Variants in CCSER1 observed in about 807,000 individuals in gnomAD.
The protein encoded by CCSER1 is coiled-coil serine rich protein 1, also known as serine-rich coiled-coil domain-containing protein 1.
CCSER1 carries 41 observed loss-of-function variants against 82.0 expected under a neutral mutation model. That is an observed-to-expected ratio of 0.50 (90% CI 0.39 to 0.65). The LOEUF (loss-of-function observed/expected upper bound fraction) is 0.65, where lower values mean the gene tolerates loss of function less well. Ranked by LOEUF, CCSER1 falls within the 30% of genes least tolerant of loss-of-function variation. CCSER1 has a pLI of 0.00. For synonymous variants in CCSER1, 414 were observed against 383.9 expected (o/e 1.08, Z -0.92); for missense variants, 1,119 against 1,064.2 (o/e 1.05, Z -0.72).
At chr4:91,167,128 ATTGT>A (rs1298235709) in intron 10 of CCSER1, among the ~76,000 whole-genome samples, 1 of 149,252 alleles carries the variant, frequency 6.7e-6, no homozygotes, top group Non-Finnish European at 1.5e-5. Flanking sequence ...TATATTGTTT[ATTGT>A]TTATCAGATT....
chr4:91,560,107 A>G (rs1421563244), intron 10 of CCSER1, among the ~76,000 whole-genome samples: 1 of 151,544 alleles, frequency 6.6e-6, no homozygotes. Flanking sequence ...TAGTCACTCA[A>G]GGTAATAAAA....
At chr4:91,348,375 A>C (rs1748219197) in intron 10 of CCSER1, among the ~76,000 whole-genome samples, 2 of 152,024 alleles carry the variant, frequency 1.3e-5, no homozygotes, top group South Asian at 4.1e-4. Flanking sequence ...GTTGGATTTA[A>C]TGTGCTTTCT....
At chr4:90,687,192 G>A (rs753898475) in intron 6 of CCSER1, among the ~76,000 whole-genome samples, 1 of 152,078 alleles carries the variant, frequency 6.6e-6, no homozygotes, top group Non-Finnish European at 1.5e-5. Flanking sequence ...AATGTCTAAA[G>A]TCACTTATGT....
At chr4:91,277,604 C>CTATTTACT in intron 10 of CCSER1, among the ~76,000 whole-genome samples, 1 of 93,638 alleles carries the variant, frequency 1.1e-5, no homozygotes, top group Middle Eastern at 7.0e-3. Context: ...AGTGGTTTAT[C>CTATTTACT]TATTTACTTA....
intron 6 of CCSER1, among the ~76,000 whole-genome samples, chr4:90,705,344 A>G (rs966572357): frequency 1.3e-5 from 2 of 152,218 alleles, no homozygotes; most frequent in African/African-American, 4.8e-5. Flanking sequence ...GCTTCATCTC[A>G]GAGAGGTACC....
chr4:90,558,167 C>G (rs886824304), intron 5 of CCSER1, among the ~76,000 whole-genome samples: 1 of 152,046 alleles, frequency 6.6e-6, no homozygotes, highest in Non-Finnish European at 1.5e-5. Context: ...AATTTGCCAG[C>G]AATTCAGAGT....
At chr4:90,654,246 C>T (rs908188) in intron 6 of CCSER1, among the ~76,000 whole-genome samples, 77,944 of 151,852 alleles carry the variant, frequency 0.51, 20,239 homozygotes, top group Middle Eastern at 0.67. Flanking sequence ...TATTTAACAA[C>T]ACTTAATTAT....
chr4:91,586,874 G>T (rs915857046), intron 10 of CCSER1, among the ~76,000 whole-genome samples: 2 of 151,154 alleles, frequency 1.3e-5, no homozygotes, highest in African/African-American at 4.9e-5. Context: ...AGTTCTTGGG[G>T]GTAATATTGC....
At chr4:90,656,089 A>C (rs1051129206) in intron 6 of CCSER1, among the ~76,000 whole-genome samples, 2 of 151,920 alleles carry the variant, frequency 1.3e-5, no homozygotes, top group Non-Finnish European at 2.9e-5. Context: ...AAAGAAAAAG[A>C]TATTCATTTG....
intron 6 of CCSER1, among the ~76,000 whole-genome samples, chr4:90,687,672 C>T (rs1983296): frequency 0.36 from 54,281 of 151,806 alleles, 10,405 homozygotes; most frequent in Middle Eastern, 0.52. Context: ...TGGAGAGTGG[C>T]CCCCTTGGGA....
intron 10 of CCSER1, among the ~76,000 whole-genome samples, chr4:91,178,453 G>T (rs538427399): frequency 1.4e-4 from 21 of 152,218 alleles, no homozygotes; most frequent in African/African-American, 4.6e-4. Context: ...AAGTCTCTTT[G>T]TAGGTCACTA....
At chr4:91,478,714 A>T (rs550669724) in intron 10 of CCSER1, among the ~76,000 whole-genome samples, 3 of 152,038 alleles carry the variant, frequency 2.0e-5, no homozygotes, top group African/African-American at 2.4e-5. Flanking sequence ...TGAAGCTATA[A>T]ATATTTCAGT....
intron 1 of CCSER1, among the ~76,000 whole-genome samples, chr4:90,218,575 T>A (rs1451720667): frequency 6.6e-6 from 1 of 152,142 alleles, no homozygotes; most frequent in African/African-American, 2.4e-5. Context: ...AATTATTGAG[T>A]TATATACAGC....
chr4:90,405,144 A>G (rs1372192654), intron 4 of CCSER1, among the ~76,000 whole-genome samples: 5 of 152,080 alleles, frequency 3.3e-5, no homozygotes, highest in African/African-American at 9.6e-5. Flanking sequence ...AAAATCTTCA[A>G]TGAAATAGAT....
intron 10 of CCSER1, among the ~76,000 whole-genome samples, chr4:91,547,161 G>C (rs974956044): frequency 5.9e-5 from 9 of 151,744 alleles, no homozygotes; most frequent in African/African-American, 2.2e-4. Flanking sequence ...CCCGAATATG[G>C]CTTGTCTTGG....
intron 3 of CCSER1, among the ~76,000 whole-genome samples, chr4:90,339,890 G>A (rs565997593): frequency 1.3e-5 from 2 of 151,750 alleles, no homozygotes; most frequent in South Asian, 4.2e-4. Context: ...ATACTTTAGA[G>A]CATGTACTAT....
intron 1 of CCSER1, among the ~76,000 whole-genome samples, chr4:90,234,190 C>T (rs796820423): frequency 5.3e-5 from 8 of 150,834 alleles, no homozygotes; most frequent in African/African-American, 1.9e-4. Context: ...GGGTGGGCCT[C>T]TGCGTACCTC....
At chr4:91,497,240 T>C (rs932430426) in intron 10 of CCSER1, among the ~76,000 whole-genome samples, 2 of 151,554 alleles carry the variant, frequency 1.3e-5, no homozygotes, top group African/African-American at 4.8e-5. Flanking sequence ...TGAAGCGGTT[T>C]TGAAAATTAA....
intron 8 of CCSER1, among the ~76,000 whole-genome samples, chr4:90,872,819 C>T (rs1766714947): frequency 6.6e-6 from 1 of 151,796 alleles, no homozygotes; most frequent in African/African-American, 2.4e-5. Flanking sequence ...GAAAAAAATC[C>T]CTCAAATTTT....
Sources: gnomAD v4.1 joint callset for allele counts (sites outside exome capture counted in the v4.1 genomes callset) on GRCh38, gnomAD v4.1.1 for gene constraint, MANE v1.5 for transcripts, NCBI Gene and HGNC (gene_info 2026-07-23, HGNC 2026-07-21) for gene names.